Variants in TFDP1 observed in about 807,000 individuals in gnomAD.
TFDP1 encodes the protein DRTF1-polypeptide 1.
A neutral mutation model predicts 48.0 loss-of-function variants in TFDP1; 6 were observed. The observed-to-expected ratio is 0.13, with a 90% confidence interval of 0.07 to 0.25. The LOEUF (loss-of-function observed/expected upper bound fraction) is 0.25. TFDP1 is among the 10% of genes least tolerant of loss of function. TFDP1 has a pLI of 1.00. For missense variants in TFDP1, 335 were observed against 543.0 expected, an observed-to-expected ratio of 0.62 and a Z score of 3.81; for synonymous variants, 201 against 211.6, an observed-to-expected ratio of 0.95 and a Z score of 0.44.
intron 3 of TFDP1, among the ~76,000 whole-genome samples, chr13:113,612,452 A>G (rs1383535182): frequency 1.3e-5 from 2 of 152,236 alleles, no homozygotes; most frequent in East Asian, 1.9e-4. Context: ...GGGATTATTT[A>G]TGAGCTTTTT....
In TFDP1 at chr13:113,598,131, CA is replaced by C. The variant is rs2048329513; in HGVS notation, c.12+12284del. Among the ~76,000 whole-genome samples the C allele has an allele frequency of 6.6e-6, 1 of 152,264 alleles. No homozygotes were observed. The highest frequency in any genetic ancestry group is 1.9e-4 in the East Asian group (1 of 5,176). On this transcript the variant is annotated intron_variant, in intron 2 of 11. Coordinates refer to ENST00000375370, the MANE Select transcript of TFDP1 (RefSeq NM_007111.5). The surrounding 1 kb of genome is among the most constrained non-coding windows in gnomAD (Gnocchi z 4.2). ...TGGGAGCCACTTGCTGGTGCCTGGC[CA>C]AGTTCCCGTCTGGTCCCTCTACTCC...
intron 4 of TFDP1, among the ~76,000 whole-genome samples, chr13:113,625,297 G>GTT (rs2049115918): frequency 6.3e-5 from 7 of 110,724 alleles, no homozygotes; most frequent in Non-Finnish European, 1.1e-4. Context: ...GTCCTCAGGT[G>GTT]TCTCTCACGT....
chr13:113,623,923 C>T lies in TFDP1; in HGVS notation c.186+637C>T, dbSNP rs1455691108. On this transcript the variant is annotated intron_variant, in intron 4 of 11. Coordinates refer to ENST00000375370, the MANE Select transcript of TFDP1 (RefSeq NM_007111.5). This position sits in a 1 kb window ranked among gnomAD's most constrained non-coding sequence, Gnocchi z 5.2. ...GTGGCAGCCTACTGGAGACAGGGAG[C>T]CCACACAGAATCCTGACCTCACCAG... Among the ~76,000 whole-genome samples the T allele has an allele frequency of 6.6e-6, 1 of 152,174 alleles. No individual in the cohort carries two copies. Among genetic ancestry groups the T allele is most frequent in the Non-Finnish European group, 1.5e-5 (1 of 68,020 alleles).
At chr13:113,612,697 A>G (rs898876341) in intron 3 of TFDP1, among the ~76,000 whole-genome samples, 1 of 152,220 alleles carries the variant, frequency 6.6e-6, no homozygotes, top group Non-Finnish European at 1.5e-5. Context: ...CTTTCTTACC[A>G]CATGTGGGCT....
At chr13:113,586,116 AC>A in intron 2 of TFDP1, 1 of 372,536 alleles carries the variant, frequency 2.7e-6, no homozygotes, top group East Asian at 4.0e-5. Flanking sequence ...CCTTATCTTT[AC>A]CGACTGTGTT....
chr13:113,625,783 CCTCAGGCGTCTCTCACGTGTCCTCAGGTG>C (rs1566667500), intron 4 of TFDP1, among the ~76,000 whole-genome samples: 3 of 124,226 alleles, frequency 2.4e-5, no homozygotes, highest in African/African-American at 9.5e-5. Flanking sequence ...TCTCACGTGT[CCTCAGGCGTCTCTCACGTGTCCTCAGGTG>C]TCTCACGCGT....
chr13:113,628,499 A>C (rs1471423056), intron 4 of TFDP1, among the ~76,000 whole-genome samples: 1 of 152,098 alleles, frequency 6.6e-6, no homozygotes, highest in African/African-American at 2.4e-5. Context: ...GCCGCTGTTA[A>C]ATCTAAGGGG....
intron 3 of TFDP1, among the ~76,000 whole-genome samples, chr13:113,617,636 AGAG>A (rs2048895091): frequency 6.6e-6 from 1 of 150,850 alleles, no homozygotes; most frequent in Non-Finnish European, 1.5e-5. Flanking sequence ...GCTCACCTGC[AGAG>A]CCGCTCACCT....
chr13:113,625,037 C>T (rs867047787), intron 4 of TFDP1, among the ~76,000 whole-genome samples: 1 of 138,862 alleles, frequency 7.2e-6, no homozygotes, highest in Non-Finnish European at 1.5e-5. Flanking sequence ...AGGTGTTTCT[C>T]AGGTGTCTCT....
intron 3 of TFDP1, among the ~76,000 whole-genome samples, chr13:113,616,305 T>A (rs1222566773): frequency 6.6e-6 from 1 of 151,900 alleles, no homozygotes; most frequent in Non-Finnish European, 1.5e-5. Context: ...GTGTGGTGGC[T>A]CCTGTCTGTA....
intron 5 of TFDP1, 161 bp downstream of exon 5, chr13:113,631,905 G>C: frequency 1.9e-6 from 2 of 1,026,838 alleles, no homozygotes; most frequent in Non-Finnish European, 1.4e-6. Flanking sequence ...GGCCTGCACA[G>C]GTGTGCAGCC....
chr13:113,601,656 G>A (rs73577420), intron 2 of TFDP1, among the ~76,000 whole-genome samples: 4,155 of 152,328 alleles, frequency 0.027, 177 homozygotes, highest in African/African-American at 0.091. Context: ...AGGAGGACTC[G>A]TGGGAGCTCG....
chr13:113,626,873 C>T (rs1328579491), intron 4 of TFDP1, among the ~76,000 whole-genome samples: 1 of 152,182 alleles, frequency 6.6e-6, no homozygotes, highest in Non-Finnish European at 1.5e-5. Flanking sequence ...CAGAGTTTGT[C>T]TGGGTGAATA....
intron 2 of TFDP1, among the ~76,000 whole-genome samples, chr13:113,592,699 C>A (rs937588509): frequency 6.6e-6 from 1 of 152,262 alleles, no homozygotes; most frequent in Admixed American, 6.5e-5. Context: ...AGCCCAGAAT[C>A]CAGCATTGCC....
chr13:113,617,764 CTCTT>C (rs1451591564), intron 3 of TFDP1, among the ~76,000 whole-genome samples: 4 of 152,240 alleles, frequency 2.6e-5, no homozygotes, highest in African/African-American at 9.6e-5. Flanking sequence ...AAAATAGTAA[CTCTT>C]AGACATCTGG....
At chr13:113,622,820 C>T (rs547535016) in intron 3 of TFDP1, among the ~76,000 whole-genome samples, 47 of 152,328 alleles carry the variant, frequency 3.1e-4, no homozygotes, top group Non-Finnish European at 5.7e-4. Flanking sequence ...AGAAATGTTG[C>T]GATAAAAATT....
intron 3 of TFDP1, among the ~76,000 whole-genome samples, chr13:113,614,202 G>T (rs1256764306): frequency 4.0e-5 from 6 of 151,676 alleles, no homozygotes; most frequent in Admixed American, 6.6e-5. Context: ...TGTGTGTTGT[G>T]TGCGAGTTGA....
rs528462942 is a variant in TFDP1 at position 113,598,671 on chromosome 13, C to G, written c.13-12325C>G. Among the ~76,000 whole-genome samples, 1 of 152,202 alleles carries G rather than the reference C, an allele frequency of 6.6e-6. No homozygotes were observed. Among genetic ancestry groups the G allele is most frequent in the African/African-American group, 2.4e-5 (1 of 41,448 alleles). On this transcript the variant is annotated intron_variant, in intron 2 of 11. Transcript: ENST00000375370. This position sits in a 1 kb window ranked among gnomAD's most constrained non-coding sequence, Gnocchi z 4.2. ...GAGGACCTGGGGTTCGTGTTGCCCT[C>G]CTGGGTGGAGTCTGCGTCCCCCTTT...
chr13:113,628,187 T>C (rs567176281), intron 4 of TFDP1, among the ~76,000 whole-genome samples: 178 of 151,600 alleles, frequency 1.2e-3, no homozygotes, highest in African/African-American at 4.0e-3. Context: ...GTGTAAAGAC[T>C]GTGTCTGAAG....
Sources: gnomAD v4.1 joint callset for allele counts (sites outside exome capture counted in the v4.1 genomes callset) on GRCh38, gnomAD v4.1.1 for gene constraint, Gnocchi (gnomAD v3.1) non-coding constraint, MANE v1.5 for transcripts, NCBI Gene and HGNC (gene_info 2026-07-23, HGNC 2026-07-21) for gene names.